ARIH1: variants seen among roughly 807,000 people sequenced by gnomAD.
ARIH1 encodes the protein E3 ubiquitin-protein ligase ARIH1.
A neutral mutation model predicts 85.0 loss-of-function variants in ARIH1; 8 were observed. The ratio of observed to expected loss-of-function variants is 0.09; its 90% CI spans 0.06 to 0.17. The LOEUF (loss-of-function observed/expected upper bound fraction) is 0.17. ARIH1 is among the 10% of genes least tolerant of loss of function. The pLI, the probability that ARIH1 is intolerant of heterozygous loss-of-function variation, is 1.00. For synonymous variants in ARIH1, 238 were observed against 253.6 expected, an observed-to-expected ratio of 0.94 and a Z score of 0.59; for missense variants, 311 against 718.1, an observed-to-expected ratio of 0.43 and a Z score of 6.48.
intron 1 of ARIH1, among the ~76,000 whole-genome samples, chr15:72,509,274 G>A (rs2063940099): frequency 6.6e-6 from 1 of 152,080 alleles, no homozygotes; most frequent in Non-Finnish European, 1.5e-5. Flanking sequence ...ACAGGTGTGA[G>A]CCACCACACC....
At chr15:72,528,309 T>C (rs2064039265) in intron 2 of ARIH1, among the ~76,000 whole-genome samples, 2 of 152,304 alleles carry the variant, frequency 1.3e-5, no homozygotes, top group South Asian at 2.1e-4. Flanking sequence ...ATTTCAGTCT[T>C]TCCTGGACTC....
intron 1 of ARIH1, among the ~76,000 whole-genome samples, chr15:72,506,700 T>C (rs1363838452): frequency 6.6e-6 from 1 of 152,168 alleles, no homozygotes; most frequent in East Asian, 1.9e-4. Flanking sequence ...AGCCCATGCT[T>C]CTGTAGGAAA....
chr15:72,524,048 G>A (rs1469421496), intron 2 of ARIH1, among the ~76,000 whole-genome samples: 1 of 139,156 alleles, frequency 7.2e-6, no homozygotes, highest in South Asian at 2.5e-4. Context: ...CCGGGCTCAC[G>A]CCATTCTCCT....
At chr15:72,488,499 G>A (rs1207949651) in intron 1 of ARIH1, among the ~76,000 whole-genome samples, 1 of 152,264 alleles carries the variant, frequency 6.6e-6, no homozygotes, top group East Asian at 1.9e-4. Context: ...TGTTTGAATA[G>A]TGCTTCATAT....
At chr15:72,564,142 C>G (rs2064209088) in intron 7 of ARIH1, among the ~76,000 whole-genome samples, 1 of 151,964 alleles carries the variant, frequency 6.6e-6, no homozygotes, top group South Asian at 2.1e-4. Flanking sequence ...AACAGTTTAT[C>G]TCTAGGTCAT....
chr15:72,475,158 T>C lies in ARIH1; in HGVS notation c.375+144T>C, dbSNP rs570997538. 2.8e-6 allele frequency: 4 copies of C among 1,414,844 alleles called. No individual in the cohort carries two copies. In the South Asian group the frequency reaches 4.4e-5, roughly 16 times the overall value. 87.6% of individuals were successfully genotyped at this position (1,414,844 alleles called of 1,614,324 possible). A position where few individuals can be genotyped will look rare whatever the true frequency, so the allele number is the denominator to read the frequency against. ...GCCTTGTCTTCTCCGCTGCCTCTGC[T>C]GGGGATAGAGGGTGTCGAAAGCAGA... On this transcript the variant is annotated intron_variant, in intron 1 of 13. Transcript: ENST00000379887.
chr15:72,582,712 A>G lies in ARIH1; in HGVS notation c.1590-496A>G, dbSNP rs892081479. On this transcript the variant is annotated intron_variant, in intron 13 of 13. Coordinates refer to ENST00000379887, the MANE Select transcript of ARIH1 (RefSeq NM_005744.5). This position sits in a 1 kb window ranked among gnomAD's most constrained non-coding sequence, Gnocchi z 4.6. The stretch of plus-strand genomic sequence containing the variant: ...TCTCAACATGAAGCTCTTTCTCCCA[A>G]AGTGACAAATGCTAGTGTCTTTTGA... Among the ~76,000 whole-genome samples, 6 of 152,220 alleles carry G rather than the reference A, an allele frequency of 3.9e-5. No individual in the cohort carries two copies. Among genetic ancestry groups the G allele is most frequent in the Non-Finnish European group, 7.4e-5 (5 of 68,020 alleles).
chr15:72,552,458 T>G (rs1332648175), intron 3 of ARIH1, among the ~76,000 whole-genome samples: 1 of 152,154 alleles, frequency 6.6e-6, no homozygotes, highest in East Asian at 1.9e-4. Flanking sequence ...TGGCTAGTTT[T>G]TTTGTATTTT....
At chr15:72,523,964 T>TTTTA (rs2064013140) in intron 2 of ARIH1, among the ~76,000 whole-genome samples, 1 of 97,262 alleles carries the variant, frequency 1.0e-5, no homozygotes. Context: ...TTTTTTTTTT[T>TTTTA]GAGATGGAGT....
chr15:72,535,795 T>G (rs1416006440), intron 2 of ARIH1, among the ~76,000 whole-genome samples: 2 of 151,794 alleles, frequency 1.3e-5, no homozygotes, highest in East Asian at 3.9e-4. Flanking sequence ...TGCACGTATT[T>G]GGAAAGAGGT....
chr15:72,505,196 A>C (rs1396446003), intron 1 of ARIH1, among the ~76,000 whole-genome samples: 8 of 152,190 alleles, frequency 5.3e-5, no homozygotes, highest in Admixed American at 1.3e-4. Flanking sequence ...GGGATTCTAC[A>C]TTTCTCACAA....
At chr15:72,546,052 G>A (rs1156642437) in intron 3 of ARIH1, among the ~76,000 whole-genome samples, 2 of 151,976 alleles carry the variant, frequency 1.3e-5, no homozygotes, top group Non-Finnish European at 2.9e-5. Context: ...TTGGTTGATG[G>A]GGGTCTCACT....
intron 2 of ARIH1, among the ~76,000 whole-genome samples, chr15:72,526,590 G>T (rs2064029461): frequency 6.6e-6 from 1 of 152,096 alleles, no homozygotes; most frequent in Non-Finnish European, 1.5e-5. Context: ...ACTTAGCTGG[G>T]CATGATAGTG....
In ARIH1 at chr15:72,522,280, A is replaced by G. The variant is rs539347941; in HGVS notation, c.443+4146A>G. Reference sequence around the variant, plus strand: ...TGTAATCCCAGCACATTGTGAGGCCAGGGAAGGCAGCTCACATGAGGCCAG... The same window carrying G: ...TGTAATCCCAGCACATTGTGAGGCCGGGGAAGGCAGCTCACATGAGGCCAG... On this transcript the variant is annotated intron_variant, in intron 2 of 13. Transcript: ENST00000379887. Among the ~76,000 whole-genome samples the G allele has an allele frequency of 5.9e-5, 9 of 152,356 alleles. No homozygotes were observed. The East Asian group carries it at 1.7e-3, about 29-fold the overall frequency.
At chr15:72,484,332 A>AGTG (rs1010056402) in intron 1 of ARIH1, among the ~76,000 whole-genome samples, 11 of 152,136 alleles carry the variant, frequency 7.2e-5, no homozygotes, top group African/African-American at 2.4e-4. Context: ...TAAATTCTTT[A>AGTG]GTGGTGATTT....
chr15:72,589,167 C>T lies in ARIH1; in HGVS notation c.*5875C>T, dbSNP rs1454873371. The T allele has an allele frequency of 6.6e-6, 1 of 152,082 alleles. No homozygotes were observed. Among genetic ancestry groups the T allele is most frequent in the African/African-American group, 2.4e-5 (1 of 41,408 alleles). 9.4% of individuals were successfully genotyped at this position (152,082 alleles called of 1,614,324 possible). ...CCAAGCAGCCCTAAAGCAAAATGGG[C>T]ATTGTTACCCTATTTTTATGAGGAA... On this transcript the variant is annotated 3_prime_UTR_variant, in exon 14 of 14. Transcript: ENST00000379887.
At chr15:72,565,820 G>A (rs1044865650) in intron 7 of ARIH1, among the ~76,000 whole-genome samples, 2 of 152,078 alleles carry the variant, frequency 1.3e-5, no homozygotes, top group Non-Finnish European at 2.9e-5. Context: ...TTTCTTTTCA[G>A]AAATAACCAT....
At chr15:72,539,415 TA>T (rs1192640182) in intron 2 of ARIH1, among the ~76,000 whole-genome samples, 5 of 147,806 alleles carry the variant, frequency 3.4e-5, no homozygotes, top group African/African-American at 1.2e-4. Context: ...GGTAAACTGA[TA>T]AAACAACAGA....
At chr15:72,557,775 G>C (rs1184903225) in intron 5 of ARIH1, among the ~76,000 whole-genome samples, 3 of 152,162 alleles carry the variant, frequency 2.0e-5, no homozygotes, top group Non-Finnish European at 2.9e-5. Flanking sequence ...TGGCTAGCTA[G>C]TTATCCCAAC....
Sources: gnomAD v4.1 joint callset for allele counts (sites outside exome capture counted in the v4.1 genomes callset) on GRCh38, gnomAD v4.1.1 for gene constraint, Gnocchi (gnomAD v3.1) non-coding constraint, MANE v1.5 for transcripts, NCBI Gene and HGNC (gene_info 2026-07-23, HGNC 2026-07-21) for gene names.